PNKD: variants seen among roughly 807,000 people sequenced by gnomAD.
The protein encoded by PNKD is probable thioesterase PNKD.
In PNKD, 36 loss-of-function variants were observed where a neutral mutation model predicts 45.3. That is an observed-to-expected ratio of 0.80 (90% CI 0.61 to 1.05). PNKD has a LOEUF of 1.05. Ranked by LOEUF, PNKD falls within the 50% of genes least tolerant of loss-of-function variation. The pLI is 0.00. For missense variants in PNKD, 511 were observed against 506.6 expected, an observed-to-expected ratio of 1.01 and a Z score of -0.08; for synonymous variants, 197 against 210.1, an observed-to-expected ratio of 0.94 and a Z score of 0.54.
chr2:218,339,981 C>A (rs752889942), intron 3 of PNKD, 48 bp from the exon 4 acceptor site: 2 of 1,489,560 alleles, frequency 1.3e-6, no homozygotes, highest in African/African-American at 2.8e-5. Flanking sequence ...ACCCCAGCCC[C>A]TGGGCTCCCT....
chr2:218,277,004 G>A (rs746214426), intron 2 of PNKD: 34 of 1,613,294 alleles, frequency 2.1e-5, no homozygotes, highest in Middle Eastern at 1.6e-4. Flanking sequence ...GGACACTCAC[G>A]TATTGGAAGT....
intron 2 of PNKD, among the ~76,000 whole-genome samples, chr2:218,325,792 G>A (rs1559526242): frequency 6.6e-6 from 1 of 152,096 alleles, no homozygotes; most frequent in Non-Finnish European, 1.5e-5. Flanking sequence ...TCTAATCATT[G>A]GAGAGCTTCT....
chr2:218,276,149 C>T, intron 2 of PNKD: 2 of 1,538,568 alleles, frequency 1.3e-6, no homozygotes. Context: ...GCCCCAGCTT[C>T]CCCCGGGATA....
At chr2:218,276,370 T>G (rs1261249993) in intron 2 of PNKD, among the ~76,000 whole-genome samples, 1 of 152,180 alleles carries the variant, frequency 6.6e-6, no homozygotes, top group Non-Finnish European at 1.5e-5. Flanking sequence ...GTTACAGCTC[T>G]GAAAGGGGCA....
At chr2:218,271,338 C>T (rs1690822465) in intron 1 of PNKD, 43 bp from the exon 2 acceptor site, 3 of 1,590,724 alleles carry the variant, frequency 1.9e-6, no homozygotes, top group Non-Finnish European at 2.6e-6. Context: ...CGCTTGCTTT[C>T]TTCTCATCTC....
rs776176020 is a variant in PNKD, at chr2:218,341,981, T to A, written c.618T>A (p.His206Gln). 1.2e-6 allele frequency: 2 copies of A among 1,612,028 alleles called. No individual in the cohort carries two copies. The highest frequency in any genetic ancestry group is 3.3e-5 in the Admixed American group (2 of 60,014). ...SPQDGIPYLT[H>Q]PLCHQDVVSV... ...TGTCCCCTGCTCCCTTGTTCCCCAG[T>A]CCCCTGTGTCATCAAGATGTGGTCA... The change falls in exon 7 of 10, where the codon CAT becomes CAA. Residue 206 changes from histidine (H) to glutamine (Q), a missense_variant and splice_region_variant. His to Gln is a conservative substitution (Grantham distance 24). Coordinates refer to ENST00000273077, the MANE Select transcript of PNKD (RefSeq NM_015488.5).
In PNKD at chr2:218,345,478, C is replaced by G. The variant is rs1263138678; in HGVS notation, c.*497C>G. On this transcript the variant is annotated 3_prime_UTR_variant, in exon 10 of 10. Transcript: ENST00000273077. ...CACCACTCAGATGGGCAGCTGGACT[C>G]TGGTGTCCTGAGACTCTGCCCTCTT... is the stretch of plus-strand genomic sequence containing the variant. 2 of 157,766 alleles carry G rather than the reference C, an allele frequency of 1.3e-5. No individual in the cohort carries two copies. Among genetic ancestry groups the G allele is most frequent in the Admixed American group, 1.2e-4 (2 of 16,250 alleles). The allele number at this position is 157,766 out of a possible 1,614,324, so 9.8% of individuals were successfully genotyped here. A position where few individuals can be genotyped will look rare whatever the true frequency, so the allele number is the denominator to read the frequency against.
chr2:218,315,098 T>C (rs55914746), intron 2 of PNKD, among the ~76,000 whole-genome samples: 22 of 56,888 alleles, frequency 3.9e-4, no homozygotes, highest in Non-Finnish European at 4.9e-4. Flanking sequence ...CTCTCTCTCC[T>C]TCCTTCCTTC....
chr2:218,312,601 G>T (rs1693649339), intron 2 of PNKD, among the ~76,000 whole-genome samples: 1 of 151,960 alleles, frequency 6.6e-6, no homozygotes, highest in African/African-American at 2.4e-5. Context: ...GGCCGGGAGG[G>T]ATGGCTCATG....
chr2:218,276,212 G>T, intron 2 of PNKD: 1 of 908,558 alleles, frequency 1.1e-6, no homozygotes, highest in Non-Finnish European at 1.7e-6. Flanking sequence ...AAAGGCTACT[G>T]CCTTTCCAGA....
At chr2:218,317,230 T>C (rs935373738) in intron 2 of PNKD, among the ~76,000 whole-genome samples, 1 of 152,192 alleles carries the variant, frequency 6.6e-6, no homozygotes, top group Non-Finnish European at 1.5e-5. Context: ...CAGAACCACC[T>C]ATGCGAAATG....
At position 218,295,449 on chromosome 2, in the gene PNKD, C is replaced by G. The variant is rs138128140; in HGVS notation, c.236+23900C>G. ...CCAGATCCCAGAGAAAGCTCCTAAC[C>G]CAGTGTGGGGAATGGGGTGGGGGTT... On this transcript the variant is annotated intron_variant, in intron 2 of 9. Coordinates refer to ENST00000273077, the MANE Select transcript of PNKD (RefSeq NM_015488.5). Among the ~76,000 whole-genome samples, 1,135 of 152,226 alleles carry G rather than the reference C, an allele frequency of 7.5e-3. 13 individuals are homozygous for G. Among genetic ancestry groups the G allele is most frequent in the African/African-American group, 0.024 (1,007 of 41,528 alleles).
At chr2:218,327,945 A>T (rs1205976900) in intron 2 of PNKD, 1 of 135,090 alleles carries the variant, frequency 7.4e-6, no homozygotes, top group Non-Finnish European at 1.5e-5. Context: ...CTGGGTGATA[A>T]GAGTGAAACT....
At chr2:218,325,193 C>T (rs1471733109) in intron 2 of PNKD, among the ~76,000 whole-genome samples, 1 of 100,506 alleles carries the variant, frequency 9.9e-6, no homozygotes, top group Non-Finnish European at 1.9e-5. Flanking sequence ...GCCACCGCAC[C>T]CGGCCTTTTT....
At chr2:218,272,694 A>C (rs781601485) in intron 2 of PNKD, 1 of 1,614,204 alleles carries the variant, frequency 6.2e-7, no homozygotes, top group South Asian at 1.1e-5. Context: ...CGAGTATGAG[A>C]GCCAGAGGTT....
At chr2:218,271,343 C>T in intron 1 of PNKD, 38 bp from the exon 2 acceptor site, 3 of 1,599,992 alleles carry the variant, frequency 1.9e-6, no homozygotes, top group Non-Finnish European at 2.6e-6. Flanking sequence ...GCTTTCTTCT[C>T]ATCTCTTCTT....
chr2:218,281,303 G>A (rs1471211645), intron 2 of PNKD, among the ~76,000 whole-genome samples: 1 of 151,104 alleles, frequency 6.6e-6, no homozygotes, highest in African/African-American at 2.4e-5. Flanking sequence ...ACCCGGCTAA[G>A]TTTTTGTATT....
At chr2:218,322,966 C>A (rs938142297) in intron 2 of PNKD, among the ~76,000 whole-genome samples, 1 of 151,858 alleles carries the variant, frequency 6.6e-6, no homozygotes, top group Non-Finnish European at 1.5e-5. Context: ...GAGCTCCTGC[C>A]CCTTCCCAGG....
chr2:218,344,708 C>A, intron 9 of PNKD, 100 bp from the exon 10 acceptor site: 1 of 1,430,608 alleles, frequency 7.0e-7, no homozygotes, highest in Non-Finnish European at 9.9e-7. Flanking sequence ...CAAGTCAGAA[C>A]TCCTGAACTC....
Sources: gnomAD v4.1 joint callset for allele counts (sites outside exome capture counted in the v4.1 genomes callset) on GRCh38, gnomAD v4.1.1 for gene constraint, MANE v1.5 for transcripts, NCBI Gene and HGNC (gene_info 2026-07-23, HGNC 2026-07-21) for gene names.